MYBPC2: variants seen among roughly 807,000 people sequenced by gnomAD.
MYBPC2 encodes myosin-binding protein C, fast-type.
A neutral mutation model predicts 137.0 loss-of-function variants in MYBPC2; 122 were observed. That is an observed-to-expected ratio of 0.89 (90% CI 0.77 to 1.03). The LOEUF is 1.03. MYBPC2 is among the 50% of genes least tolerant of loss of function. The pLI is 0.00. For missense variants in MYBPC2, 1,500 were observed against 1,534.4 expected (o/e 0.98, Z 0.37); for synonymous variants, 626 against 612.3 (o/e 1.02, Z -0.33).
At chr19:50,444,804 T>C (rs2039788635) in intron 11 of MYBPC2, among the ~76,000 whole-genome samples, 1 of 137,620 alleles carries the variant, frequency 7.3e-6, no homozygotes, top group Non-Finnish European at 1.5e-5. Flanking sequence ...GGCATGAACC[T>C]GGGAGGCGGA....
rs538760995 is a variant in MYBPC2, at chr19:50,446,177, C to T, written c.1306+125C>T. The T allele has an allele frequency of 2.0e-3, 2,353 of 1,181,554 alleles. 3 individuals are homozygous for T. The highest frequency in any genetic ancestry group is 2.5e-3 in the Non-Finnish European group (2,137 of 858,746). 73.2% of individuals were successfully genotyped at this position (1,181,554 alleles called of 1,614,324 possible). A position where few individuals can be genotyped will look rare whatever the true frequency, so the allele number is the denominator to read the frequency against. ...CTCTCTTTCCCACACACCCTATGTT[C>T]AGCCCACCAGGGAGATCTGATGGCT... On this transcript the variant is annotated intron_variant, in intron 12 of 27. Coordinates refer to ENST00000357701, the MANE Select transcript of MYBPC2 (RefSeq NM_004533.4).
chr19:50,461,335 C>T (rs1240293167), intron 24 of MYBPC2, among the ~76,000 whole-genome samples: 2 of 152,150 alleles, frequency 1.3e-5, no homozygotes, highest in Non-Finnish European at 2.9e-5. Context: ...GTTCCTTTGT[C>T]TGGGCCGACT....
intron 13 of MYBPC2, among the ~76,000 whole-genome samples, chr19:50,448,883 C>T (rs112476711): frequency 3.3e-4 from 50 of 151,698 alleles, no homozygotes; most frequent in African/African-American, 1.1e-3. Context: ...TACAGGCATG[C>T]GCCACCATGC....
chr19:50,443,089 A>G (rs996874075), intron 9 of MYBPC2, among the ~76,000 whole-genome samples: 7 of 152,070 alleles, frequency 4.6e-5, no homozygotes, highest in African/African-American at 1.7e-4. Flanking sequence ...AAATAATAGG[A>G]ATTGCTAGCT....
At chr19:50,454,425 T>TTG in intron 18 of MYBPC2, 56 bp downstream of exon 18, 4 of 1,158,578 alleles carry the variant, frequency 3.5e-6, no homozygotes, top group Admixed American at 3.1e-5. Context: ...CTTCTGTTTT[T>TTG]TTTTTTTTTT....
In MYBPC2 at chr19:50,455,528, T is replaced by C; in HGVS notation, c.2222T>C (p.Leu741Pro). The stretch of plus-strand genomic sequence containing the variant: ...CTTGCAGCACCCACGAGTGAACCCC[T>C]GCACCTGATAGTGGAGGATGTGACA... ...FMPIAPTSEPLHLIVEDVTDT... is the reference protein window; with the variant it reads ...FMPIAPTSEPPHLIVEDVTDT... Residue 741 changes from leucine to proline, a missense_variant, in exon 20 of 28, where the codon CTG (leucine) becomes CCG (proline). Coordinates refer to ENST00000357701, the MANE Select transcript of MYBPC2 (RefSeq NM_004533.4). 6.2e-7 allele frequency: 1 copy of C among 1,613,792 alleles called. No homozygotes were observed.
Position 50,458,760 on chromosome 19 carries a change from T to C in MYBPC2, c.2506+6T>C, listed in dbSNP as rs778256820. 6.2e-7 allele frequency: 1 copy of C among 1,606,758 alleles called. No individual in the cohort carries two copies. The highest frequency in any genetic ancestry group is 8.5e-7 in the Non-Finnish European group (1 of 1,179,680). On this transcript the variant is annotated splice_donor_region_variant and intron_variant, in intron 21 of 27. Coordinates refer to ENST00000357701, the MANE Select transcript of MYBPC2 (RefSeq NM_004533.4). ...CACCATCAGGGAGATTGCGGGTGCGTGGCCCCTGACCCTGCGCTCCGAAAG... is the reference window on the plus strand; with the variant it reads ...CACCATCAGGGAGATTGCGGGTGCGCGGCCCCTGACCCTGCGCTCCGAAAG...
chr19:50,444,296 A>G (rs2039783947), intron 11 of MYBPC2, among the ~76,000 whole-genome samples: 3 of 120,364 alleles, frequency 2.5e-5, no homozygotes, highest in Non-Finnish European at 5.2e-5. Flanking sequence ...CCATTCATCC[A>G]TCCATCCATC....
intron 26 of MYBPC2, among the ~76,000 whole-genome samples, chr19:50,463,347 C>T (rs1294192575): frequency 1.3e-5 from 2 of 152,154 alleles, no homozygotes; most frequent in African/African-American, 2.4e-5. Flanking sequence ...TCGCTTCAGC[C>T]TCCTTAAGGC....
At chr19:50,441,179 T>C in intron 8 of MYBPC2, 103 bp downstream of exon 8, 2 of 1,292,910 alleles carry the variant, frequency 1.5e-6, no homozygotes, top group Non-Finnish European at 2.1e-6. Context: ...GAGGTCCCAA[T>C]GAGGTAGGAG....
rs771336322 is a variant in MYBPC2 at position 50,445,911 on chromosome 19, G to GATTCCT, written c.1166_1171dup (p.Ser390_Phe391insTyrSer). 6.2e-7 allele frequency: 1 copy of GATTCCT among 1,609,702 alleles called. No individual in the cohort carries two copies. Among genetic ancestry groups the GATTCCT allele is most frequent in the Non-Finnish European group, 8.5e-7 (1 of 1,178,072 alleles). On this transcript the variant is annotated inframe_insertion, in exon 12 of 28. Coordinates refer to ENST00000357701, the MANE Select transcript of MYBPC2 (RefSeq NM_004533.4). ...AGATGGTGTGGAACTGACTCGGGAG[G>GATTCCT]ATTCCTTCAAGGCCCGGTACCGCTT...
At chr19:50,464,593 C>T in intron 27 of MYBPC2, 61 bp downstream of exon 27, 1 of 1,502,476 alleles carries the variant, frequency 6.7e-7, no homozygotes, top group South Asian at 1.3e-5. Flanking sequence ...GCCAGCCTGG[C>T]CGGTGGCCCC....
chr19:50,436,786 G>A lies in MYBPC2; in HGVS notation c.463+52G>A, dbSNP rs878864768. ...AAGGGTTCTATGTCTGGGTGGGGTG[G>A]ACAGATGTACCAGCCAGGTGTTGGG... is the stretch of plus-strand genomic sequence containing the variant. On this transcript the variant is annotated intron_variant, in intron 5 of 27. Coordinates refer to ENST00000357701, the MANE Select transcript of MYBPC2 (RefSeq NM_004533.4). The A allele has an allele frequency of 3.3e-5, 51 of 1,544,332 alleles. 1 individual carries two copies. In the South Asian group the frequency reaches 5.8e-4, roughly 17 times the overall value.
Position 50,464,600 on chromosome 19 carries a change from C to A in MYBPC2, c.3415+68C>A, listed in dbSNP as rs529435909. On this transcript the variant is annotated intron_variant, in intron 27 of 27. Transcript: ENST00000357701. ...GGCCCTGTGCCAGCCTGGCCGGTGG[C>A]CCCGGGCTGAGCACCGCTGAGATCT... The A allele has an allele frequency of 6.7e-6, 10 of 1,483,744 alleles. No individual in the cohort carries two copies. The African/African-American group carries it at 1.4e-4, about 21-fold the overall frequency. The allele number at this position is 1,483,744 out of a possible 1,614,324, so 91.9% of individuals were successfully genotyped here.
At chr19:50,456,363 TCTGTCCATCCATCTATCC>T (rs1289123092) in intron 20 of MYBPC2, among the ~76,000 whole-genome samples, 99 of 123,842 alleles carry the variant, frequency 8.0e-4, no homozygotes, top group East Asian at 3.6e-3. Context: ...CATCCATCCA[TCTGTCCATCCATCTATCC>T]ATCCATCCAT....
intron 23 of MYBPC2, 31 bp downstream of exon 23, chr19:50,459,337 C>G: frequency 2.5e-6 from 3 of 1,206,930 alleles, no homozygotes; most frequent in East Asian, 1.1e-4. Flanking sequence ...CCCTGGAGGC[C>G]GGGAGGGGCA....
At chr19:50,446,835 A>G (rs1040377204) in intron 12 of MYBPC2, among the ~76,000 whole-genome samples, 1 of 150,764 alleles carries the variant, frequency 6.6e-6, no homozygotes, top group Non-Finnish European at 1.5e-5. Flanking sequence ...AAAAAAAAAA[A>G]AATTAGCCGA....
intron 20 of MYBPC2, among the ~76,000 whole-genome samples, chr19:50,457,381 A>G (rs556395150): frequency 2.6e-5 from 4 of 152,298 alleles, no homozygotes; most frequent in Non-Finnish European, 2.9e-5. Context: ...ACAGAAGGGC[A>G]TGTAACGAAA....
chr19:50,441,473 C>T (rs781726401), intron 8 of MYBPC2, among the ~76,000 whole-genome samples: 3 of 152,198 alleles, frequency 2.0e-5, no homozygotes, highest in East Asian at 1.9e-4. Context: ...TGCCCTGAGC[C>T]GTTGCTCTCT....
Sources: gnomAD v4.1 joint callset for allele counts (sites outside exome capture counted in the v4.1 genomes callset) on GRCh38, gnomAD v4.1.1 for gene constraint, MANE v1.5 for transcripts, NCBI Gene and HGNC (gene_info 2026-07-23, HGNC 2026-07-21) for gene names.